CLIC4: variants seen among roughly 807,000 people sequenced by gnomAD.
CLIC4 encodes the protein CLIC family member 4.
A neutral mutation model predicts 24.6 loss-of-function variants in CLIC4; 13 were observed. The ratio of observed to expected loss-of-function variants is 0.53; its 90% CI spans 0.34 to 0.84. The LOEUF (loss-of-function observed/expected upper bound fraction) is 0.84. Ranked by LOEUF, CLIC4 falls within the 40% of genes least tolerant of loss-of-function variation. CLIC4 has a pLI of 0.01. For synonymous variants in CLIC4, 104 were observed against 111.3 expected (o/e 0.93, Z 0.41); for missense variants, 227 against 301.7 (o/e 0.75, Z 1.83).
intron 2 of CLIC4, among the ~76,000 whole-genome samples, chr1:24,805,143 T>G (rs188187452): frequency 2.9e-4 from 44 of 151,744 alleles, no homozygotes; most frequent in African/African-American, 7.3e-4. Flanking sequence ...GAATCCATAT[T>G]TGAAATCTTT....
At chr1:24,777,360 A>G (rs916502646) in intron 1 of CLIC4, among the ~76,000 whole-genome samples, 2 of 152,180 alleles carry the variant, frequency 1.3e-5, no homozygotes, top group African/African-American at 4.8e-5. Flanking sequence ...CCTGACCAAC[A>G]TGGTGAAACC....
intron 1 of CLIC4, among the ~76,000 whole-genome samples, chr1:24,757,146 C>T (rs909057815): frequency 2.0e-5 from 3 of 152,082 alleles, no homozygotes; most frequent in East Asian, 3.9e-4. Context: ...CCGCCTGCCT[C>T]GGCCTCCCAA....
intron 1 of CLIC4, among the ~76,000 whole-genome samples, chr1:24,748,287 T>G (rs1638730274): frequency 6.6e-6 from 1 of 152,116 alleles, no homozygotes; most frequent in Non-Finnish European, 1.5e-5. Flanking sequence ...AAAATCATCC[T>G]TCCTACCACT....
chr1:24,791,585 C>T (rs761937793), intron 1 of CLIC4, among the ~76,000 whole-genome samples: 1 of 151,652 alleles, frequency 6.6e-6, no homozygotes, highest in African/African-American at 2.4e-5. Context: ...AATAAAAATA[C>T]AAAAATTGGG....
chr1:24,814,370 T>C (rs896694556), intron 3 of CLIC4, 151 bp downstream of exon 3: 11 of 935,482 alleles, frequency 1.2e-5, no homozygotes, highest in Non-Finnish European at 1.7e-5. Flanking sequence ...GATATAAGAA[T>C]TGGCTTCCAG....
intron 1 of CLIC4, among the ~76,000 whole-genome samples, chr1:24,754,898 C>A (rs1249016929): frequency 3.3e-5 from 5 of 151,664 alleles, no homozygotes; most frequent in Admixed American, 3.3e-4. Context: ...ATGGTGAATC[C>A]CTGTCTCTAC....
chr1:24,837,939 G>A (rs908374635), intron 4 of CLIC4, among the ~76,000 whole-genome samples: 1 of 152,058 alleles, frequency 6.6e-6, no homozygotes, highest in Non-Finnish European at 1.5e-5. Flanking sequence ...CATGGTTTCG[G>A]TGTTCATTTA....
chr1:24,762,572 G>GTA (rs1421017743), intron 1 of CLIC4, among the ~76,000 whole-genome samples: 9 of 152,218 alleles, frequency 5.9e-5, no homozygotes, highest in African/African-American at 2.2e-4. Context: ...TGGGGGAACA[G>GTA]TAGTGAGTGG....
At chr1:24,825,908 T>C (rs1443256982) in intron 3 of CLIC4, among the ~76,000 whole-genome samples, 1 of 152,222 alleles carries the variant, frequency 6.6e-6, no homozygotes, top group Non-Finnish European at 1.5e-5. Context: ...TAAAGTCTTA[T>C]TGCTCCCAAG....
intron 1 of CLIC4, among the ~76,000 whole-genome samples, chr1:24,785,854 C>CAAAAAAAAAAAAAAAA (rs61009244): frequency 1.4e-4 from 8 of 58,864 alleles, no homozygotes; most frequent in African/African-American, 4.8e-4. Flanking sequence ...GACTACAACT[C>CAAAAAAAAAAAAAAAA]AAAAAAAAAA....
At chr1:24,806,468 T>C (rs1639551180) in intron 2 of CLIC4, among the ~76,000 whole-genome samples, 1 of 152,206 alleles carries the variant, frequency 6.6e-6, no homozygotes, top group South Asian at 2.1e-4. Flanking sequence ...GTCTGTCATC[T>C]CAACAGTTAA....
intron 1 of CLIC4, among the ~76,000 whole-genome samples, chr1:24,747,171 G>T (rs1325443412): frequency 1.4e-5 from 2 of 148,092 alleles, no homozygotes; most frequent in African/African-American, 2.5e-5. Context: ...ATATCAAAGC[G>T]TTTCGGTTAC....
intron 1 of CLIC4, among the ~76,000 whole-genome samples, chr1:24,773,908 CT>C (rs915933045): frequency 1.3e-5 from 2 of 151,712 alleles, no homozygotes; most frequent in East Asian, 1.9e-4. Context: ...CAGAGATGCA[CT>C]TTTTTTTGAT....
chr1:24,782,705 T>A (rs889203818), intron 1 of CLIC4, among the ~76,000 whole-genome samples: 11 of 152,024 alleles, frequency 7.2e-5, no homozygotes, highest in African/African-American at 2.7e-4. Context: ...GCATAAGAGG[T>A]AGGACACAGT....
chr1:24,763,522 G>A (rs894872504), intron 1 of CLIC4, among the ~76,000 whole-genome samples: 17 of 111,344 alleles, frequency 1.5e-4, no homozygotes, highest in Non-Finnish European at 1.9e-4. Flanking sequence ...GACAGAGTGA[G>A]ACTCCGTCTC....
chr1:24,776,764 T>G (rs974166827), intron 1 of CLIC4, among the ~76,000 whole-genome samples: 1 of 151,906 alleles, frequency 6.6e-6, no homozygotes, highest in Non-Finnish European at 1.5e-5. Context: ...ATACAAAAAT[T>G]AGCTGGGCAT....
chr1:24,767,585 G>A lies in CLIC4; in HGVS notation c.72+21960G>A, dbSNP rs565857389. 4.6e-5 allele frequency among the ~76,000 whole-genome samples: 7 copies of A among 152,256 alleles called. No homozygotes were observed. The East Asian group carries it at 1.4e-3, about 29-fold the overall frequency. ...TCTTGAATTAACTTCAGTGAACCCT[G>A]ATCCTGTTGACACTTACTAGGTAAC... On this transcript the variant is annotated intron_variant, in intron 1 of 5. Transcript: ENST00000374379.
chr1:24,788,036 A>T (rs1260534343), intron 1 of CLIC4, among the ~76,000 whole-genome samples: 1 of 150,046 alleles, frequency 6.7e-6, no homozygotes, highest in Non-Finnish European at 1.5e-5. Flanking sequence ...TTGTATTTTT[A>T]GTAGAGACGG....
intron 1 of CLIC4, among the ~76,000 whole-genome samples, chr1:24,760,976 G>T (rs1557795622): frequency 1.3e-5 from 2 of 152,190 alleles, no homozygotes; most frequent in Admixed American, 1.3e-4. Context: ...CAGTAATCCA[G>T]GCATGAGATG....
Sources: allele counts gnomAD v4.1 joint callset (sites outside exome capture counted in the v4.1 genomes callset), GRCh38; gene constraint gnomAD v4.1.1; transcripts MANE v1.5; gene names NCBI Gene and HGNC (gene_info 2026-07-23, HGNC 2026-07-21).